MYC: variants seen among roughly 807,000 people sequenced by gnomAD.
MYC encodes MYC proto-oncogene, bHLH transcription factor.
Under a neutral mutation model 30.5 loss-of-function variants are expected in MYC, and 1 was observed. The observed-to-expected ratio is 0.03, with a 90% CI of 0.01 to 0.16. The LOEUF (loss-of-function observed/expected upper bound fraction) is 0.16. MYC is among the 10% of genes least tolerant of loss of function. MYC has a pLI of 1.00. For missense variants in MYC, 508 were observed against 589.0 expected, an observed-to-expected ratio of 0.86 and a Z score of 1.42; for synonymous variants, 267 against 250.7, an observed-to-expected ratio of 1.07 and a Z score of -0.62.
rs1813592508 is a variant in MYC, at chr8:127,736,501, A to T, written c.-93A>T. On this transcript the variant is annotated 5_prime_UTR_variant, in exon 1 of 3. Coordinates refer to ENST00000621592, the MANE Select transcript of MYC (RefSeq NM_002467.6). ...CCCGAGCAAGGACGCGACTCTCCCGACGCGGGGAGGCTATTCTGCCCATTT... is the reference window on the plus strand; with the variant it reads ...CCCGAGCAAGGACGCGACTCTCCCGTCGCGGGGAGGCTATTCTGCCCATTT... 3 of 1,426,946 alleles carry T rather than the reference A, an allele frequency of 2.1e-6. No homozygotes were observed. In the South Asian group the frequency reaches 3.6e-5, roughly 17 times the overall value. 88.4% of individuals were successfully genotyped at this position (1,426,946 alleles called of 1,614,324 possible).
rs1313047247 is a variant in MYC at position 127,740,655 on chromosome 8, C to G, written c.1062C>G (p.Asn354Lys). 2.5e-6 allele frequency: 4 copies of G among 1,614,082 alleles called. No individual in the cohort carries two copies. The highest frequency in any genetic ancestry group is 3.4e-6 in the Non-Finnish European group (4 of 1,180,026). Reference sequence around the variant, plus strand: ...GAGTCCTGAGACAGATCAGCAACAACCGAAAATGCACCAGCCCCAGGTCCT... The same window carrying G: ...GAGTCCTGAGACAGATCAGCAACAAGCGAAAATGCACCAGCCCCAGGTCCT... Residue 354 changes from asparagine to lysine, a missense_variant, in exon 3 of 3, where the codon AAC becomes AAG. This residue lies in a region of MYC where 364 missense variants were observed against 381.1 expected (regional missense o/e 0.96). Coordinates refer to ENST00000621592, the MANE Select transcript of MYC (RefSeq NM_002467.6).
chr8:127,735,742 A>C (rs562023036), upstream of MYC: 1 of 399,138 alleles, frequency 2.5e-6, no homozygotes, highest in Non-Finnish European at 4.4e-6. Context: ...GCGATGATTT[A>C]TACTCACAGG....
In MYC at chr8:127,736,634, A is replaced by G; in HGVS notation, c.30+11A>G. ...GTAGTGGAAAACCAGGTAAGCACCG[A>G]AGTCCACTTGCCTTTTAATTTATTT... is the stretch of plus-strand genomic sequence containing the variant. On this transcript the variant is annotated intron_variant, in intron 1 of 2. Coordinates refer to ENST00000621592, the MANE Select transcript of MYC (RefSeq NM_002467.6). 2 of 1,613,886 alleles carry G rather than the reference A, an allele frequency of 1.2e-6. No individual in the cohort carries two copies. Among genetic ancestry groups the G allele is most frequent in the Non-Finnish European group, 1.7e-6 (2 of 1,179,758 alleles).
In MYC at chr8:127,738,575, C is replaced by G; in HGVS notation, c.358C>G (p.Leu120Val). 6.2e-7 allele frequency: 1 copy of G among 1,613,644 alleles called. No homozygotes were observed. The highest frequency in any genetic ancestry group is 8.5e-7 in the Non-Finnish European group (1 of 1,179,774). ...CGACCAGCTGGAGATGGTGACCGAG[C>G]TGCTGGGAGGAGACATGGTGAACCA... The change falls in exon 2 of 3, where the codon CTG becomes GTG. Residue 120 changes from leucine to valine, a missense_variant. Physicochemically the swap from Leu to Val is conservative, Grantham distance 32. Around this residue, in one of 5 missense-constraint regions of MYC, gnomAD observed 364 missense variants for 381.1 expected, o/e 0.96. Transcript: ENST00000621592. This position sits in a 1 kb window ranked among gnomAD's most constrained non-coding sequence, Gnocchi z 7.6.
chr8:127,740,477 G>T lies in MYC; in HGVS notation c.884G>T (p.Gly295Val), dbSNP rs2130102629. 4 of 1,614,092 alleles carry T rather than the reference G, an allele frequency of 2.5e-6. No homozygotes were observed. The highest frequency in any genetic ancestry group is 3.4e-6 in the Non-Finnish European group (4 of 1,180,016). Residue 295 changes from glycine (G) to valine (V), a missense_variant, in exon 3 of 3, where the codon GGA becomes GTA. This residue lies in a region of MYC where 364 missense variants were observed against 381.1 expected (regional missense o/e 0.96). Coordinates refer to ENST00000621592, the MANE Select transcript of MYC (RefSeq NM_002467.6). ...GCTCCTGGCAAAAGGTCAGAGTCTG[G>T]ATCACCTTCTGCTGGAGGCCACAGC... is the stretch of plus-strand genomic sequence containing the variant.
chr8:127,736,462 TG>T lies in MYC; in HGVS notation c.-130del, dbSNP rs1461981725. 11 of 1,007,478 alleles carry T rather than the reference TG, an allele frequency of 1.1e-5. No homozygotes were observed. The highest frequency in any genetic ancestry group is 1.6e-5 in the Non-Finnish European group (11 of 671,214). The allele number at this position is 1,007,478 out of a possible 1,614,324, so 62.4% of individuals were successfully genotyped here. A position where few individuals can be genotyped will look rare whatever the true frequency, so the allele number is the denominator to read the frequency against. On this transcript the variant is annotated 5_prime_UTR_variant, in exon 1 of 3. Coordinates refer to ENST00000621592, the MANE Select transcript of MYC (RefSeq NM_002467.6). ...ATAGCAGCGGGCGGGCACTTTGCACTGGAACTTACAACACCCGAGCAAGGAC... is the reference window on the plus strand; with the variant it reads ...ATAGCAGCGGGCGGGCACTTTGCACTGAACTTACAACACCCGAGCAAGGAC...
Position 127,741,068 on chromosome 8 carries a change from G to C in MYC, c.*110G>C. On this transcript the variant is annotated 3_prime_UTR_variant, in exon 3 of 3. Coordinates refer to ENST00000621592, the MANE Select transcript of MYC (RefSeq NM_002467.6). Reference sequence around the variant, plus strand: ...AACCTCACAACCTTGGCTGAGTCTTGAGACTGAAAGATTTAGCCATAATGT... The same window carrying C: ...AACCTCACAACCTTGGCTGAGTCTTCAGACTGAAAGATTTAGCCATAATGT... 1 of 1,030,522 alleles carries C rather than the reference G, an allele frequency of 9.7e-7. No individual in the cohort carries two copies. The highest frequency in any genetic ancestry group is 1.3e-6 in the Non-Finnish European group (1 of 759,862). The allele number at this position is 1,030,522 out of a possible 1,614,324, so 63.8% of individuals were successfully genotyped here. A position where few individuals can be genotyped will look rare whatever the true frequency, so the allele number is the denominator to read the frequency against.
chr8:127,737,982 C>T lies in MYC; in HGVS notation c.31-266C>T, dbSNP rs1332497090. ...CTGCGGGGCCGACTCCCGGGCTTTG[C>T]GCTCCGGGCTCCCGGGGGAGCGGGG... On this transcript the variant is annotated intron_variant, in intron 1 of 2. Transcript: ENST00000621592. Among the ~76,000 whole-genome samples the T allele has an allele frequency of 2.0e-5, 3 of 152,312 alleles. No individual in the cohort carries two copies. In the East Asian group the frequency reaches 5.8e-4, roughly 30 times the overall value.
In MYC at chr8:127,742,815, T is replaced by G. The variant is rs1434245624; in HGVS notation, c.*1857T>G. ...GGCCCAAACCAGAAATGATGTTGAT[T>G]ATATAGGTAAATGAAGGATGCTATT... On this transcript the variant is annotated 3_prime_UTR_variant, in exon 3 of 3. Transcript: ENST00000621592. 2.0e-5 allele frequency among the ~76,000 whole-genome samples: 3 copies of G among 152,218 alleles called. No homozygotes were observed. The highest frequency in any genetic ancestry group is 4.4e-5 in the Non-Finnish European group (3 of 68,028).
intron 1 of MYC, among the ~76,000 whole-genome samples, chr8:127,737,790 C>T (rs961539954): frequency 2.6e-5 from 4 of 152,202 alleles, no homozygotes; most frequent in Admixed American, 2.6e-4. Flanking sequence ...AGCGGAGGGG[C>T]CCCGGCGCGG....
At chr8:127,740,294 T>G in intron 2 of MYC, 102 bp from the exon 3 acceptor site, 1 of 1,245,642 alleles carries the variant, frequency 8.0e-7, no homozygotes, top group Non-Finnish European at 1.1e-6. Flanking sequence ...CCAGAGACCT[T>G]TCTAACGTAT....
chr8:127,736,899 G>T (rs1196723950), intron 1 of MYC, among the ~76,000 whole-genome samples: 2 of 152,152 alleles, frequency 1.3e-5, no homozygotes, highest in African/African-American at 4.8e-5. Context: ...ATATATTCAC[G>T]CTGACTCCCG....
In MYC at chr8:127,742,022, A is replaced by G. The variant is rs906426058; in HGVS notation, c.*1064A>G. On this transcript the variant is annotated 3_prime_UTR_variant, in exon 3 of 3. Coordinates refer to ENST00000621592, the MANE Select transcript of MYC (RefSeq NM_002467.6). Reference sequence around the variant, plus strand: ...TATCTGTAGCCACGCAGATAATACAAAGCAGCAATCTGGACCCATTCTGTT... The same window carrying G: ...TATCTGTAGCCACGCAGATAATACAGAGCAGCAATCTGGACCCATTCTGTT... 4.6e-5 allele frequency among the ~76,000 whole-genome samples: 7 copies of G among 152,242 alleles called. No homozygotes were observed. The highest frequency in any genetic ancestry group is 4.6e-4 in the Admixed American group (7 of 15,288).
At position 127,736,489 on chromosome 8, in the gene MYC, G is replaced by T. The variant is rs1813592088; in HGVS notation, c.-105G>T. The T allele has an allele frequency of 1.5e-6, 2 of 1,300,040 alleles. No individual in the cohort carries two copies. The highest frequency in any genetic ancestry group is 2.2e-6 in the Non-Finnish European group (2 of 913,594). 80.5% of individuals were successfully genotyped at this position (1,300,040 alleles called of 1,614,324 possible). A position where few individuals can be genotyped will look rare whatever the true frequency, so the allele number is the denominator to read the frequency against. On this transcript the variant is annotated 5_prime_UTR_variant, in exon 1 of 3. Transcript: ENST00000621592. ...GAACTTACAACACCCGAGCAAGGAC[G>T]CGACTCTCCCGACGCGGGGAGGCTA...
rs953379919 is a variant in MYC, at chr8:127,742,394, C to A, written c.*1436C>A. ...TCAGACGACGGTAGGAATCAGCTGG[C>A]TGCTTGTGAGTACAGGAGTTACAGT... On this transcript the variant is annotated 3_prime_UTR_variant, in exon 3 of 3. Transcript: ENST00000621592. Among the ~76,000 whole-genome samples, 2 of 152,220 alleles carry A rather than the reference C, an allele frequency of 1.3e-5. No homozygotes were observed. Among genetic ancestry groups the A allele is most frequent in the African/African-American group, 2.4e-5 (1 of 41,456 alleles).
chr8:127,736,381 C>T lies in MYC; in HGVS notation c.-213C>T. On this transcript the variant is annotated 5_prime_UTR_variant, in exon 1 of 3. Coordinates refer to ENST00000621592, the MANE Select transcript of MYC (RefSeq NM_002467.6). ...GGCTTCGCCTCTGGCCCAGCCCTCC[C>T]GCTGATCCCCCAGCCAGCGGTCCGC... 1 of 614,012 alleles carries T rather than the reference C, an allele frequency of 1.6e-6. No individual in the cohort carries two copies. Among genetic ancestry groups the T allele is most frequent in the Non-Finnish European group, 2.9e-6 (1 of 347,400 alleles). The allele number at this position is 614,012 out of a possible 1,614,324, so 38.0% of individuals were successfully genotyped here. A position where few individuals can be genotyped will look rare whatever the true frequency, so the allele number is the denominator to read the frequency against.
chr8:127,736,388 C>G lies in MYC; in HGVS notation c.-206C>G. ...CCTCTGGCCCAGCCCTCCCGCTGAT[C>G]CCCCAGCCAGCGGTCCGCAACCCTT... On this transcript the variant is annotated 5_prime_UTR_variant, in exon 1 of 3. In the 5' UTR this introduces an upstream ATG that the reference lacks. Coordinates refer to ENST00000621592, the MANE Select transcript of MYC (RefSeq NM_002467.6). 1 of 616,112 alleles carries G rather than the reference C, an allele frequency of 1.6e-6. No homozygotes were observed. The highest frequency in any genetic ancestry group is 2.7e-5 in the East Asian group (1 of 36,574). 38.2% of individuals were successfully genotyped at this position (616,112 alleles called of 1,614,324 possible).
rs1196878432 is a variant in MYC at position 127,742,614 on chromosome 8, A to G, written c.*1656A>G. On this transcript the variant is annotated 3_prime_UTR_variant, in exon 3 of 3. Coordinates refer to ENST00000621592, the MANE Select transcript of MYC (RefSeq NM_002467.6). ...TCATGACGGCTCCTGGGAAGAAGCCAGTTCAGATCATAAAATAAAACATAT... is the reference window on the plus strand; with the variant it reads ...TCATGACGGCTCCTGGGAAGAAGCCGGTTCAGATCATAAAATAAAACATAT... 1.3e-5 allele frequency among the ~76,000 whole-genome samples: 2 copies of G among 152,220 alleles called. No individual in the cohort carries two copies. Among genetic ancestry groups the G allele is most frequent in the South Asian group, 2.1e-4 (1 of 4,826 alleles).
At chr8:127,739,994 C>G (rs1813680666) in intron 2 of MYC, among the ~76,000 whole-genome samples, 1 of 143,732 alleles carries the variant, frequency 7.0e-6, no homozygotes, top group African/African-American at 2.7e-5. Context: ...TTTTTTAAGA[C>G]GGAGTCTCAC....
Sources: gnomAD v4.1 joint callset for allele counts (sites outside exome capture counted in the v4.1 genomes callset) on GRCh38, gnomAD v4.1.1 for gene constraint, gnomAD v4.1.1 regional missense constraint, Gnocchi (gnomAD v3.1) non-coding constraint, MANE v1.5 for transcripts, NCBI Gene and HGNC (gene_info 2026-07-23, HGNC 2026-07-21) for gene names.